RBM20: variants seen among roughly 807,000 people sequenced by gnomAD.
The protein encoded by RBM20 is RNA-binding protein 20.
In RBM20, 51 loss-of-function variants were observed where a neutral mutation model predicts 110.1. The observed-to-expected ratio is 0.46, with a 90% CI of 0.37 to 0.59. The LOEUF is 0.59. Ranked by LOEUF, RBM20 falls within the 20% of genes least tolerant of loss-of-function variation. The pLI, the probability that RBM20 is intolerant of heterozygous loss-of-function variation, is 0.00. For synonymous variants in RBM20, 589 were observed against 618.2 expected, an observed-to-expected ratio of 0.95 and a Z score of 0.70; for missense variants, 1,512 against 1,574.9, an observed-to-expected ratio of 0.96 and a Z score of 0.68.
At chr10:110,740,436 G>C (rs1205420736) in intron 1 of RBM20, among the ~76,000 whole-genome samples, 1 of 152,160 alleles carries the variant, frequency 6.6e-6, no homozygotes, top group Admixed American at 6.5e-5. Flanking sequence ...CATGGGCAAG[G>C]GTGGGGGCTG....
chr10:110,693,121 A>G (rs1862612207), intron 1 of RBM20, among the ~76,000 whole-genome samples: 1 of 152,152 alleles, frequency 6.6e-6, no homozygotes, highest in Admixed American at 6.5e-5. Flanking sequence ...CCACTTGGTC[A>G]TAGTGTATAA....
chr10:110,807,674 C>T (rs545204078), intron 7 of RBM20, among the ~76,000 whole-genome samples: 37 of 152,228 alleles, frequency 2.4e-4, no homozygotes, highest in Admixed American at 4.6e-4. Flanking sequence ...CCAAGACCAT[C>T]CTCCTCCCAC....
intron 7 of RBM20, among the ~76,000 whole-genome samples, chr10:110,801,251 A>G (rs12354528): frequency 0.12 from 18,283 of 151,770 alleles, 1,513 homozygotes; most frequent in African/African-American, 0.24. Flanking sequence ...ACATGGTGAA[A>G]CCCCGTCTCT....
Position 110,644,438 on chromosome 10 carries a change from G to A in RBM20, c.-17G>A. Reference sequence around the variant, plus strand: ...CTTGAGCTCTCTCGCCGCGATCCCGGGCGGGTCTCGCCCCGCATGGTGCTG... The same window carrying A: ...CTTGAGCTCTCTCGCCGCGATCCCGAGCGGGTCTCGCCCCGCATGGTGCTG... On this transcript the variant is annotated 5_prime_UTR_variant, in exon 1 of 14. Transcript: ENST00000369519. The surrounding 1 kb of genome is among the most constrained non-coding windows in gnomAD (Gnocchi z 4.3). 2 of 1,461,530 alleles carry A rather than the reference G, an allele frequency of 1.4e-6. No individual in the cohort carries two copies. Among genetic ancestry groups the A allele is most frequent in the African/African-American group, 1.5e-5 (1 of 67,752 alleles). The allele number at this position is 1,461,530 out of a possible 1,614,324, so 90.5% of individuals were successfully genotyped here. A position where few individuals can be genotyped will look rare whatever the true frequency, so the allele number is the denominator to read the frequency against.
chr10:110,732,699 C>T (rs1431118248), intron 1 of RBM20, among the ~76,000 whole-genome samples: 1 of 152,186 alleles, frequency 6.6e-6, no homozygotes, highest in Non-Finnish European at 1.5e-5. Context: ...AGAGCAAAAA[C>T]TCTTCAGGGA....
At chr10:110,755,235 G>T (rs1843907232) in intron 1 of RBM20, among the ~76,000 whole-genome samples, 1 of 152,116 alleles carries the variant, frequency 6.6e-6, no homozygotes, top group Non-Finnish European at 1.5e-5. Flanking sequence ...CTTACTGTAG[G>T]TATATGTCTC....
In RBM20 at chr10:110,781,352, C is replaced by T. The variant is rs1025263475; in HGVS notation, c.743C>T (p.Pro248Leu). Reference sequence around the variant, plus strand: ...TATGGCCCTGAAACAGATGGTCAGCCTGGCTTCCTGCCATCCTCGGCCTCA... The same window carrying T: ...TATGGCCCTGAAACAGATGGTCAGCTTGGCTTCCTGCCATCCTCGGCCTCA... ...QTYGPETDGQ[P>L]GFLPSSASTS... Residue 248 changes from proline (P) to leucine (L), a missense_variant, in exon 2 of 14, where the codon CCT becomes CTT. Physicochemically the swap from Pro to Leu is moderately conservative, Grantham distance 98 (BLOSUM62 -3). Around this residue, in one of 3 missense-constraint regions of RBM20, gnomAD observed 1,149 missense variants for 1,169.4 expected, o/e 0.98. Coordinates refer to ENST00000369519, the MANE Select transcript of RBM20 (RefSeq NM_001134363.3). The T allele has an allele frequency of 1.3e-6, 2 of 1,551,628 alleles. No individual in the cohort carries two copies. Among genetic ancestry groups the T allele is most frequent in the African/African-American group, 2.7e-5 (2 of 73,080 alleles).
intron 1 of RBM20, among the ~76,000 whole-genome samples, chr10:110,670,638 C>T (rs188134170): frequency 1.4e-4 from 21 of 152,264 alleles, no homozygotes; most frequent in African/African-American, 4.6e-4. Flanking sequence ...CAAGAGGGAG[C>T]CCCGCTCAGA....
intron 1 of RBM20, among the ~76,000 whole-genome samples, chr10:110,656,983 T>A (rs762064035): frequency 5.9e-5 from 9 of 152,068 alleles, no homozygotes; most frequent in Non-Finnish European, 1.2e-4. Context: ...CTTTTGGGTA[T>A]ATATCTTGGA....
At chr10:110,663,754 A>G (rs1405204644) in intron 1 of RBM20, among the ~76,000 whole-genome samples, 3 of 152,214 alleles carry the variant, frequency 2.0e-5, no homozygotes, top group African/African-American at 7.2e-5. Context: ...TAACTTGAAA[A>G]CACAATTAAT....
At chr10:110,743,094 C>G (rs985697169) in intron 1 of RBM20, among the ~76,000 whole-genome samples, 4 of 152,224 alleles carry the variant, frequency 2.6e-5, no homozygotes, top group Non-Finnish European at 5.9e-5. Flanking sequence ...GGTTTAATCA[C>G]TCCCCTGTTT....
At chr10:110,744,577 C>T (rs970772554) in intron 1 of RBM20, among the ~76,000 whole-genome samples, 3 of 152,168 alleles carry the variant, frequency 2.0e-5, no homozygotes, top group Admixed American at 2.0e-4. Flanking sequence ...ACTTACTGAA[C>T]GGAAACTCTG....
chr10:110,735,120 A>G (rs1041653779), intron 1 of RBM20, among the ~76,000 whole-genome samples: 6 of 152,246 alleles, frequency 3.9e-5, no homozygotes, highest in African/African-American at 1.4e-4. Context: ...ACAATCCCAA[A>G]GCATAAGAGT....
At chr10:110,780,776 C>T (rs1844327256) in intron 1 of RBM20, 25 bp from the exon 2 acceptor site, 1 of 1,485,750 alleles carries the variant, frequency 6.7e-7, no homozygotes, top group Non-Finnish European at 9.0e-7. Flanking sequence ...ACCAGCTGTG[C>T]ATCTAGACCT....
At chr10:110,796,433 T>C (rs2135071523) in intron 5 of RBM20, among the ~76,000 whole-genome samples, 1 of 152,376 alleles carries the variant, frequency 6.6e-6, no homozygotes, top group South Asian at 2.1e-4. Flanking sequence ...TTTCCAAAAA[T>C]GGCATTATAG....
At chr10:110,732,421 T>A (rs1843629073) in intron 1 of RBM20, among the ~76,000 whole-genome samples, 1 of 152,216 alleles carries the variant, frequency 6.6e-6, no homozygotes, top group Non-Finnish European at 1.5e-5. Flanking sequence ...GGGAAATGTT[T>A]CCTTTCTCCT....
At chr10:110,648,985 A>G (rs1861908134) in intron 1 of RBM20, among the ~76,000 whole-genome samples, 2 of 152,244 alleles carry the variant, frequency 1.3e-5, no homozygotes, top group South Asian at 2.1e-4. Flanking sequence ...TGTAGGGGGG[A>G]AAAGAAGAAG....
intron 1 of RBM20, among the ~76,000 whole-genome samples, chr10:110,727,399 C>CAAAAA (rs373594637): frequency 0.031 from 2,575 of 83,048 alleles, 77 homozygotes; most frequent in African/African-American, 0.1. Context: ...AAGTCCGTCT[C>CAAAAA]AAAAAATAAA....
intron 1 of RBM20, among the ~76,000 whole-genome samples, chr10:110,646,182 C>A (rs1861865157): frequency 6.6e-6 from 1 of 152,178 alleles, no homozygotes. Flanking sequence ...ATTGTAATTA[C>A]CCTGCACTTT....
Sources: gnomAD v4.1 joint callset for allele counts (sites outside exome capture counted in the v4.1 genomes callset) on GRCh38, gnomAD v4.1.1 for gene constraint, gnomAD v4.1.1 regional missense constraint, Gnocchi (gnomAD v3.1) non-coding constraint, MANE v1.5 for transcripts, NCBI Gene and HGNC (gene_info 2026-07-23, HGNC 2026-07-21) for gene names.